The following TTC19 variants were observed in gnomAD, a reference collection of about 807,000 sequenced individuals.
TTC19 encodes tetratricopeptide repeat protein 19, mitochondrial.
A neutral mutation model predicts 49.5 loss-of-function variants in TTC19; 38 were observed. That is an observed-to-expected ratio of 0.77 (90% confidence interval 0.59 to 1.01). The LOEUF (loss-of-function observed/expected upper bound fraction) is 1.01. Ranked by LOEUF, TTC19 falls within the 50% of genes least tolerant of loss-of-function variation. TTC19 has a pLI of 0.00. For synonymous variants in TTC19, 204 were observed against 185.2 expected (o/e 1.10, Z -0.83); for missense variants, 475 against 477.7 (o/e 0.99, Z 0.05).
At chr17:16,034,631 G>A in intron 2 of TTC19, 1 of 815,750 alleles carries the variant, frequency 1.2e-6, no homozygotes. Flanking sequence ...TCGGGAAAGT[G>A]GAACATATTA....
chr17:16,007,465 T>A (rs1970946548), intron 7 of TTC19, among the ~76,000 whole-genome samples: 1 of 150,186 alleles, frequency 6.7e-6, no homozygotes, highest in Non-Finnish European at 1.5e-5. Context: ...TTTTTTGTTT[T>A]CTTACTAAGT....
rs199601051 is a variant in TTC19 at position 16,038,446 on chromosome 17, T to C, written c.248-6057T>C. On this transcript the variant is annotated intron_variant, in intron 2 of 2. Transcript: ENST00000470649. Reference sequence around the variant, plus strand: ...CCCTTTTTCCTACTCTTTTTTTTTTTCCTTTTTTGAGACAGGGTCTCACTT... The same window carrying C: ...CCCTTTTTCCTACTCTTTTTTTTTTCCCTTTTTTGAGACAGGGTCTCACTT... Among the ~76,000 whole-genome samples the C allele has an allele frequency of 1.2e-3, 173 of 145,350 alleles. 3 individuals carry two copies. The highest frequency in any genetic ancestry group is 1.8e-4 in the Non-Finnish European group (12 of 65,716).
intron 7 of TTC19, among the ~76,000 whole-genome samples, chr17:16,009,719 C>T (rs893741984): frequency 6.6e-6 from 1 of 152,120 alleles, no homozygotes; most frequent in Non-Finnish European, 1.5e-5. Context: ...TATCTCTATT[C>T]TAGGATAACA....
At chr17:16,027,217 C>CA (rs1875584346) in intron 9 of TTC19, 157 bp from the exon 10 acceptor site, 3 of 842,522 alleles carry the variant, frequency 3.6e-6, no homozygotes, top group Non-Finnish European at 5.7e-6. Flanking sequence ...AGTGGAGTTC[C>CA]AGCCTGTCAG....
At chr17:16,036,953 T>TCA (rs1336156783) in intron 2 of TTC19, among the ~76,000 whole-genome samples, 1 of 151,174 alleles carries the variant, frequency 6.6e-6, no homozygotes, top group Non-Finnish European at 1.5e-5. Flanking sequence ...GGTCTAGCTT[T>TCA]CAGCCTGTCT....
chr17:16,034,535 G>C (rs568075605), intron 2 of TTC19, among the ~76,000 whole-genome samples: 3 of 152,254 alleles, frequency 2.0e-5, no homozygotes, highest in Admixed American at 6.5e-5. Context: ...CTGAGCCTCA[G>C]AGGTCGAGGC....
At chr17:16,016,747 C>T (rs916366410) in intron 7 of TTC19, among the ~76,000 whole-genome samples, 2 of 151,790 alleles carry the variant, frequency 1.3e-5, no homozygotes, top group Non-Finnish European at 2.9e-5. Context: ...TAGTTGAGAT[C>T]GGGTTTCACC....
intron 7 of TTC19, among the ~76,000 whole-genome samples, chr17:16,017,405 C>A (rs369951424): frequency 6.8e-6 from 1 of 146,384 alleles, no homozygotes; most frequent in African/African-American, 2.6e-5. Context: ...GCCGAGATCG[C>A]GCCACTGCAC....
At chr17:16,035,599 A>C (rs528670517) in intron 2 of TTC19, among the ~76,000 whole-genome samples, 4 of 150,934 alleles carry the variant, frequency 2.7e-5, no homozygotes, top group African/African-American at 9.8e-5. Context: ...GCAGTGGCAC[A>C]ATCACGGCTT....
At chr17:16,043,711 C>G (rs2058145883) in intron 2 of TTC19, among the ~76,000 whole-genome samples, 1 of 152,216 alleles carries the variant, frequency 6.6e-6, no homozygotes. Flanking sequence ...ATCTCAGTTC[C>G]TGGCTGCTCT....
chr17:16,006,705 A>G, intron 7 of TTC19, 137 bp downstream of exon 7: 1 of 632,322 alleles, frequency 1.6e-6, no homozygotes, highest in Non-Finnish European at 2.8e-6. Context: ...TCTTTAAGGT[A>G]TCAGCAGAAG....
At chr17:16,042,661 G>C (rs150415805) in intron 2 of TTC19, among the ~76,000 whole-genome samples, 39 of 152,332 alleles carry the variant, frequency 2.6e-4, no homozygotes, top group Non-Finnish European at 3.7e-4. Context: ...AAGCCACTGT[G>C]GAGGCCAACT....
At chr17:16,005,367 G>A (rs940291687) in intron 6 of TTC19, among the ~76,000 whole-genome samples, 3 of 152,154 alleles carry the variant, frequency 2.0e-5, no homozygotes, top group Non-Finnish European at 2.9e-5. Flanking sequence ...AGTTTTGAGC[G>A]TAGGGAAGGA....
In TTC19 at chr17:16,027,560, TGG is replaced by T. The variant is rs1971609700; in HGVS notation, c.*39_*40del. 6.2e-7 allele frequency: 1 copy of T among 1,608,988 alleles called. No homozygotes were observed. Among genetic ancestry groups the T allele is most frequent in the East Asian group, 2.2e-5 (1 of 44,834 alleles). On this transcript the variant is annotated 3_prime_UTR_variant, in exon 10 of 10. Transcript: ENST00000261647. ...GTAGGGAGAATAATGTCTAGTAATGTGGAAGAATAGCTATCATTCCTGTCTCT... is the reference window on the plus strand; with the variant it reads ...GTAGGGAGAATAATGTCTAGTAATGTAAGAATAGCTATCATTCCTGTCTCT...
At chr17:16,011,306 G>C (rs915651936) in intron 7 of TTC19, among the ~76,000 whole-genome samples, 14 of 152,074 alleles carry the variant, frequency 9.2e-5, no homozygotes, top group Middle Eastern at 3.2e-3. Context: ...TCTGCTTCCT[G>C]AGTAGCTGGG....
At chr17:16,037,912 A>G (rs1228576552) in intron 2 of TTC19, among the ~76,000 whole-genome samples, 1 of 152,236 alleles carries the variant, frequency 6.6e-6, no homozygotes, top group Non-Finnish European at 1.5e-5. Context: ...CCTCAGCCCC[A>G]GCAAAACAAT....
intron 6 of TTC19, among the ~76,000 whole-genome samples, chr17:16,005,911 T>A (rs2151651225): frequency 6.6e-6 from 1 of 152,278 alleles, no homozygotes; most frequent in Non-Finnish European, 1.5e-5. Context: ...TACTGCTGGC[T>A]ATGTCAGTTA....
intron 2 of TTC19, 83 bp downstream of exon 2, chr17:16,000,328 T>G: frequency 1.9e-6 from 3 of 1,558,900 alleles, no homozygotes; most frequent in Non-Finnish European, 2.6e-6. Context: ...CATTACTCTC[T>G]CCGCCTCGCC....
intron 7 of TTC19, among the ~76,000 whole-genome samples, chr17:16,022,883 A>T (rs1971428577): frequency 6.6e-6 from 1 of 152,330 alleles, no homozygotes; most frequent in South Asian, 2.1e-4. Flanking sequence ...ATGTTTGAAG[A>T]AGTAAATATG....
Sources: allele counts gnomAD v4.1 joint callset (sites outside exome capture counted in the v4.1 genomes callset), GRCh38; gene constraint gnomAD v4.1.1; transcripts MANE v1.5; gene names NCBI Gene and HGNC (gene_info 2026-07-23, HGNC 2026-07-21).